ARID2: variants seen among roughly 807,000 people sequenced by gnomAD.
ARID2 encodes AT-rich interaction domain 2.
Under a neutral mutation model 184.6 loss-of-function variants are expected in ARID2, and 32 were observed. That is an observed-to-expected ratio of 0.17 (90% confidence interval 0.13 to 0.23). The LOEUF (loss-of-function observed/expected upper bound fraction) is 0.23, where lower values mean the gene tolerates loss of function less well. ARID2 is among the 10% of genes least tolerant of loss of function. ARID2 has a pLI of 1.00. For missense variants in ARID2, 1,696 were observed against 2,197.6 expected (o/e 0.77, Z 4.56); for synonymous variants, 836 against 772.6 (o/e 1.08, Z -1.36).
intron 18 of ARID2, among the ~76,000 whole-genome samples, chr12:45,893,196 A>G (rs1944324754): frequency 6.6e-6 from 1 of 152,198 alleles, no homozygotes; most frequent in Admixed American, 6.5e-5. Flanking sequence ...AAATTGATAG[A>G]TTGGAAAATA....
chr12:45,878,308 A>AT (rs575521408), intron 16 of ARID2, among the ~76,000 whole-genome samples: 8 of 152,044 alleles, frequency 5.3e-5, no homozygotes, highest in Non-Finnish European at 1.0e-4. Flanking sequence ...TACTTCAAAT[A>AT]TTTTTTGTGT....
chr12:45,841,947 T>C (rs1217772799), intron 11 of ARID2: 1 of 152,128 alleles, frequency 6.6e-6, no homozygotes, highest in African/African-American at 2.4e-5. Flanking sequence ...TGTTATTCTT[T>C]AAAGCTCTAA....
intron 3 of ARID2, among the ~76,000 whole-genome samples, chr12:45,743,951 AACC>A (rs1941311387): frequency 2.0e-5 from 3 of 152,040 alleles, no homozygotes; most frequent in Non-Finnish European, 2.9e-5. Flanking sequence ...TATATTTTCT[AACC>A]TGCTGCCTTA....
intron 15 of ARID2, among the ~76,000 whole-genome samples, chr12:45,854,933 A>G (rs929301711): frequency 2.0e-5 from 3 of 152,250 alleles, no homozygotes; most frequent in Non-Finnish European, 2.9e-5. Flanking sequence ...CAAGGTTACC[A>G]ACTAATATGA....
chr12:45,784,413 C>A (rs1307377960), intron 3 of ARID2, among the ~76,000 whole-genome samples: 1 of 152,100 alleles, frequency 6.6e-6, no homozygotes, highest in Non-Finnish European at 1.5e-5. Flanking sequence ...ATAATAATAT[C>A]TAAGAATAAA....
chr12:45,892,776 C>T (rs907392295), intron 18 of ARID2, among the ~76,000 whole-genome samples: 1 of 152,032 alleles, frequency 6.6e-6, no homozygotes, highest in African/African-American at 2.4e-5. Flanking sequence ...AAGAAATCTA[C>T]AGTAGTTTGA....
chr12:45,869,758 C>T (rs768649809), intron 16 of ARID2, among the ~76,000 whole-genome samples: 9 of 151,554 alleles, frequency 5.9e-5, no homozygotes, highest in Non-Finnish European at 1.2e-4. Context: ...TGGCGGGCGA[C>T]TGTAATCCCA....
rs74517715 is a variant in ARID2 at position 45,852,849 on chromosome 12, C to A, written c.4726C>A (p.Gln1576Lys). ...AGTAGCAATAGAAAGTGCTGTTCAG[C>A]AAAAGCAACAGCATCCACCAACATA... ...AKVAIESAVQ[Q>K]KQQHPPTYVQ... The change falls in exon 15 of 21, where the codon CAA becomes AAA. Residue 1576 changes from glutamine (Q) to lysine (K), a missense_variant. Coordinates refer to ENST00000334344, the MANE Select transcript of ARID2 (RefSeq NM_152641.4). 6.2e-7 allele frequency: 1 copy of A among 1,611,154 alleles called. No homozygotes were observed. The highest frequency in any genetic ancestry group is 8.5e-7 in the Non-Finnish European group (1 of 1,178,270).
chr12:45,861,412 T>C (rs1181388350), intron 16 of ARID2, among the ~76,000 whole-genome samples: 1 of 152,142 alleles, frequency 6.6e-6, no homozygotes, highest in Non-Finnish European at 1.5e-5. Context: ...AGCCATACCA[T>C]CTTACAATTT....
At chr12:45,731,117 G>A (rs995140252) in intron 2 of ARID2, 100 bp from the exon 3 acceptor site, 2 of 839,960 alleles carry the variant, frequency 2.4e-6, no homozygotes, top group African/African-American at 1.7e-5. Flanking sequence ...TGATGCCTTA[G>A]GTATCTACAG....
At chr12:45,777,273 T>G (rs544394767) in intron 3 of ARID2, among the ~76,000 whole-genome samples, 1 of 152,260 alleles carries the variant, frequency 6.6e-6, no homozygotes, top group African/African-American at 2.4e-5. Context: ...AGATGTTCTT[T>G]TAAATAGTGG....
rs1158215399 is a variant in ARID2, at chr12:45,900,749, T to TA, written c.5364-4184dup. On this transcript the variant is annotated intron_variant, in intron 20 of 20. Coordinates refer to ENST00000334344, the MANE Select transcript of ARID2 (RefSeq NM_152641.4). ...CCTAAAAATGTCTGTAATCTACCCT[T>TA]ACTCTTGATAGTTGTTGGCTGTACA... Among the ~76,000 whole-genome samples the TA allele has an allele frequency of 3.3e-5, 5 of 152,236 alleles. No homozygotes were observed. The South Asian group carries it at 1.0e-3, about 31-fold the overall frequency.
intron 11 of ARID2, 132 bp from the exon 12 acceptor site, chr12:45,846,724 T>G: frequency 1.4e-6 from 1 of 695,418 alleles, no homozygotes; most frequent in Non-Finnish European, 2.4e-6. Flanking sequence ...CAAATGTGTA[T>G]ACTTTCATAT....
intron 16 of ARID2, among the ~76,000 whole-genome samples, chr12:45,882,681 G>T (rs1465555393): frequency 2.0e-5 from 3 of 152,162 alleles, no homozygotes; most frequent in Non-Finnish European, 4.4e-5. Flanking sequence ...TGCCAATTTA[G>T]GTTGAAATTA....
chr12:45,770,866 C>A (rs1321597764), intron 3 of ARID2, among the ~76,000 whole-genome samples: 3 of 152,168 alleles, frequency 2.0e-5, no homozygotes, highest in African/African-American at 7.2e-5. Flanking sequence ...GGTTCTCAAT[C>A]CAGTCCATGG....
chr12:45,796,237 T>C (rs1483610691), intron 3 of ARID2, among the ~76,000 whole-genome samples: 1 of 152,068 alleles, frequency 6.6e-6, no homozygotes, highest in Non-Finnish European at 1.5e-5. Context: ...AATAGAATCA[T>C]ACTGTATGAT....
chr12:45,814,764 T>C (rs1289429660), intron 4 of ARID2, among the ~76,000 whole-genome samples: 1 of 152,336 alleles, frequency 6.6e-6, no homozygotes, highest in East Asian at 1.9e-4. Context: ...TTCTCCTACA[T>C]AATTATCTTA....
At chr12:45,783,024 C>T (rs1161889684) in intron 3 of ARID2, among the ~76,000 whole-genome samples, 4 of 151,672 alleles carry the variant, frequency 2.6e-5, no homozygotes, top group Admixed American at 2.0e-4. Flanking sequence ...TACTGAACTA[C>T]GGGGGAGGCT....
chr12:45,734,573 C>CAA (rs58142463), intron 3 of ARID2, among the ~76,000 whole-genome samples: 10 of 112,450 alleles, frequency 8.9e-5, no homozygotes, highest in Non-Finnish European at 1.1e-4. Flanking sequence ...TATTAAAGTG[C>CAA]AAAAAAAAAA....
Sources: gnomAD v4.1 joint callset for allele counts (sites outside exome capture counted in the v4.1 genomes callset) on GRCh38, gnomAD v4.1.1 for gene constraint, MANE v1.5 for transcripts, NCBI Gene and HGNC (gene_info 2026-07-23, HGNC 2026-07-21) for gene names.